The following RRAGC variants were observed in gnomAD, a reference collection of about 807,000 sequenced individuals.
The protein encoded by RRAGC is Ras related GTP binding C.
In RRAGC, 8 loss-of-function variants were observed where a neutral mutation model predicts 37.1. The observed-to-expected ratio is 0.22, with a 90% CI of 0.13 to 0.39. RRAGC has a LOEUF of 0.39. Ranked by LOEUF, RRAGC falls within the 10% of genes least tolerant of loss-of-function variation. The pLI is 1.00. For synonymous variants in RRAGC, 190 were observed against 181.1 expected, an observed-to-expected ratio of 1.05 and a Z score of -0.39; for missense variants, 342 against 497.6, an observed-to-expected ratio of 0.69 and a Z score of 2.98.
At chr1:38,857,692 G>A (rs1223774646) in intron 1 of RRAGC, among the ~76,000 whole-genome samples, 2 of 152,226 alleles carry the variant, frequency 1.3e-5, no homozygotes, top group Non-Finnish European at 2.9e-5. Flanking sequence ...GGGTGCGGTG[G>A]CTCACGCCTT....
chr1:38,844,410 G>A (rs372171105), intron 6 of RRAGC, among the ~76,000 whole-genome samples: 14 of 146,986 alleles, frequency 9.5e-5, no homozygotes, highest in African/African-American at 3.0e-4. Context: ...TAGAAAATAC[G>A]CAAGCAGAAA....
rs1243464270 is a variant in RRAGC, at chr1:38,859,526, C to A, written c.121G>T (p.Gly41Cys). ...EEEEEEAAAA[G>C]GGVGAGAGGG... ...CCTGCCCCTGCCCCAACCCCTCCGC[C>A]CGCCGCCGCCGCCTCCTCTTCCTCC... The change falls in exon 1 of 7, where the codon GGC (glycine) becomes TGC (cysteine). Residue 41 changes from glycine (G) to cysteine (C), a missense_variant. Transcript: ENST00000373001. 6.5e-7 allele frequency: 1 copy of A among 1,536,708 alleles called. No homozygotes were observed. The highest frequency in any genetic ancestry group is 8.8e-7 in the Non-Finnish European group (1 of 1,138,046).
intron 3 of RRAGC, among the ~76,000 whole-genome samples, chr1:38,853,469 G>T (rs1373593154): frequency 6.6e-6 from 1 of 152,178 alleles, no homozygotes; most frequent in Non-Finnish European, 1.5e-5. Context: ...CTTTCAGCTG[G>T]GCGCGATGGC....
rs975999088 is a variant in RRAGC at position 38,857,657 on chromosome 1, T to G, written c.238-575A>C. Among the ~76,000 whole-genome samples the G allele has an allele frequency of 2.6e-5, 4 of 152,308 alleles. No homozygotes were observed. In the East Asian group the frequency reaches 7.7e-4, roughly 29 times the overall value. ...ATGAGAAAAGAAACGTAAAGGCAAT[T>G]GTTAAGAGTCACAATAATCGGCCCG... On this transcript the variant is annotated intron_variant, in intron 1 of 6. Transcript: ENST00000373001.
Position 38,851,607 on chromosome 1 carries a change from T to A in RRAGC, c.899+8A>T, listed in dbSNP as rs1642102087. On this transcript the variant is annotated splice_region_variant and intron_variant, in intron 5 of 6. Coordinates refer to ENST00000373001, the MANE Select transcript of RRAGC (RefSeq NM_022157.4). ...CTGAGATATTGCAGGAATATATACA[T>A]AACTTACCCATATATACAAGACACA... is the stretch of plus-strand genomic sequence containing the variant. The A allele has an allele frequency of 2.6e-6, 4 of 1,511,600 alleles. No homozygotes were observed. Among genetic ancestry groups the A allele is most frequent in the Admixed American group, 2.5e-5 (1 of 40,644 alleles). 93.6% of individuals were successfully genotyped at this position (1,511,600 alleles called of 1,614,324 possible).
intron 6 of RRAGC, among the ~76,000 whole-genome samples, chr1:38,843,654 A>G (rs1480877610): frequency 6.6e-6 from 1 of 150,502 alleles, no homozygotes. Context: ...CGGGAGGCGG[A>G]GCTTGCAGTG....
Position 38,845,939 on chromosome 1 carries a change from C to A in RRAGC, c.1048G>T (p.Gly350Cys), listed in dbSNP as rs765104133. The A allele has an allele frequency of 4.4e-6, 7 of 1,601,432 alleles. No homozygotes were observed. The highest frequency in any genetic ancestry group is 8.5e-7 in the Non-Finnish European group (1 of 1,176,498). ...ILREESFERK[G>C]LIDYNFHCFR... Reference sequence around the variant, plus strand: ...AAACAGCTTTTTAAAATGCTATTACCTTTTCTTTCAAAGCTTTCTTCCCTT... The same window carrying A: ...AAACAGCTTTTTAAAATGCTATTACATTTTCTTTCAAAGCTTTCTTCCCTT... Residue 350 changes from glycine (G) to cysteine (C), a missense_variant and splice_region_variant, in exon 6 of 7, where the codon GGT (glycine) becomes TGT (cysteine). Physicochemically the swap from Gly to Cys is radical, Grantham distance 159. Transcript: ENST00000373001.
intron 3 of RRAGC, chr1:38,852,744 T>C (rs1642115192): frequency 4.4e-6 from 1 of 229,154 alleles, no homozygotes; most frequent in Non-Finnish European, 8.4e-6. Flanking sequence ...TAAACTCCAA[T>C]ATTCACCGAA....
intron 3 of RRAGC, among the ~76,000 whole-genome samples, chr1:38,853,285 A>G: frequency 6.6e-6 from 1 of 152,252 alleles, no homozygotes; most frequent in South Asian, 2.1e-4. Context: ...ACACATGTAG[A>G]TTCAATAAAA....
Position 38,839,385 on chromosome 1 carries a change from C to A in RRAGC, c.*168G>T. ...AAAAGATATAGTAGCTTCAGTTGTA[C>A]ACCACCAGTTGAAGGGGTTTTCATC... On this transcript the variant is annotated 3_prime_UTR_variant, in exon 7 of 7. Coordinates refer to ENST00000373001, the MANE Select transcript of RRAGC (RefSeq NM_022157.4). 3.9e-6 allele frequency: 2 copies of A among 511,162 alleles called. No homozygotes were observed. Among genetic ancestry groups the A allele is most frequent in the South Asian group, 3.9e-5 (1 of 25,464 alleles). 31.7% of individuals were successfully genotyped at this position (511,162 alleles called of 1,614,324 possible). A position where few individuals can be genotyped will look rare whatever the true frequency, so the allele number is the denominator to read the frequency against.
At chr1:38,852,995 G>A (rs1417139681) in intron 3 of RRAGC, among the ~76,000 whole-genome samples, 1 of 152,144 alleles carries the variant, frequency 6.6e-6, no homozygotes, top group Non-Finnish European at 1.5e-5. Context: ...CCACTGGTAA[G>A]TACTTAAAAC....
rs1236169154 is a variant in RRAGC at position 38,851,718 on chromosome 1, T to C, written c.796A>G (p.Ser266Gly). The part of the protein sequence containing the change: ...IEKAFLFDVV[S>G]KIYIATDSSP... Reference sequence around the variant, plus strand: ...CTGTCTGTTGCAATGTAGATTTTGCTGACAACATCAAAGAGAAAAGCTTTT... The same window carrying C: ...CTGTCTGTTGCAATGTAGATTTTGCCGACAACATCAAAGAGAAAAGCTTTT... Residue 266 changes from serine (S) to glycine (G), a missense_variant, in exon 5 of 7, where the codon AGC becomes GGC. Transcript: ENST00000373001. The C allele has an allele frequency of 1.2e-6, 2 of 1,608,702 alleles. No individual in the cohort carries two copies. Among genetic ancestry groups the C allele is most frequent in the Admixed American group, 1.7e-5 (1 of 58,500 alleles).
intron 6 of RRAGC, among the ~76,000 whole-genome samples, chr1:38,841,391 G>A (rs989235720): frequency 6.7e-6 from 1 of 149,668 alleles, no homozygotes; most frequent in Non-Finnish European, 1.5e-5. Flanking sequence ...TTTATAGACA[G>A]GGTCTCACTC....
chr1:38,849,002 C>T (rs1401742120), intron 5 of RRAGC, among the ~76,000 whole-genome samples: 5 of 151,764 alleles, frequency 3.3e-5, no homozygotes, highest in African/African-American at 7.3e-5. Flanking sequence ...TGATGGCACA[C>T]GCCTGTAGTC....
chr1:38,856,155 AT>A (rs1331219852), intron 2 of RRAGC, among the ~76,000 whole-genome samples: 2 of 152,108 alleles, frequency 1.3e-5, no homozygotes, highest in African/African-American at 2.4e-5. Context: ...TGATATGAAC[AT>A]TTTTTCCCAA....
chr1:38,855,062 G>C, intron 3 of RRAGC, among the ~76,000 whole-genome samples: 1 of 152,096 alleles, frequency 6.6e-6, no homozygotes, highest in Non-Finnish European at 1.5e-5. Context: ...TTTCTTAACA[G>C]TAGTTACAAA....
chr1:38,853,519 G>A (rs2124229944), intron 3 of RRAGC, among the ~76,000 whole-genome samples: 1 of 152,342 alleles, frequency 6.6e-6, no homozygotes, highest in South Asian at 2.1e-4. Context: ...GCCAAGGCAG[G>A]TGGACCACTT....
intron 5 of RRAGC, among the ~76,000 whole-genome samples, chr1:38,849,405 T>C (rs1424162308): frequency 6.6e-6 from 1 of 152,124 alleles, no homozygotes; most frequent in Admixed American, 6.5e-5. Context: ...TTAAAATGTA[T>C]TGGCTGGGAG....
At chr1:38,840,538 C>T (rs1379754442) in intron 6 of RRAGC, among the ~76,000 whole-genome samples, 6 of 152,118 alleles carry the variant, frequency 3.9e-5, no homozygotes, top group East Asian at 1.9e-4. Flanking sequence ...AAATTGACTA[C>T]AACTGTGAAG....
Sources: allele counts gnomAD v4.1 joint callset (sites outside exome capture counted in the v4.1 genomes callset), GRCh38; gene constraint gnomAD v4.1.1; transcripts MANE v1.5; gene names NCBI Gene and HGNC (gene_info 2026-07-23, HGNC 2026-07-21).